The following PCNX1 variants were observed in gnomAD, a reference collection of about 807,000 sequenced individuals.
The protein encoded by PCNX1 is pecanex 1.
In PCNX1, 78 loss-of-function variants were observed where a neutral mutation model predicts 242.2. That is an observed-to-expected ratio of 0.32 (90% CI 0.27 to 0.39). The LOEUF (loss-of-function observed/expected upper bound fraction) is 0.39, where lower values mean the gene tolerates loss of function less well. Among genes scored for constraint, PCNX1 ranks in the 10% least tolerant of loss-of-function variants. The pLI, the probability that PCNX1 is intolerant of heterozygous loss-of-function variation, is 1.00. For synonymous variants in PCNX1, 1,024 were observed against 1,032.9 expected (o/e 0.99, Z 0.17); for missense variants, 2,581 against 2,856.5 (o/e 0.90, Z 2.20).
chr14:71,011,612 A>G (rs1352635020), intron 10 of PCNX1, 63 bp downstream of exon 10: 12 of 964,630 alleles, frequency 1.2e-5, no homozygotes, highest in South Asian at 4.3e-5. Flanking sequence ...ATATGTATTT[A>G]CATAGATAGC....
At chr14:71,074,699 A>T (rs776175450) in intron 27 of PCNX1, among the ~76,000 whole-genome samples, 22 of 152,152 alleles carry the variant, frequency 1.4e-4, no homozygotes, top group Non-Finnish European at 3.2e-4. Flanking sequence ...GGTCATGCTG[A>T]TACTGTGTGG....
At chr14:71,006,170 T>C (rs1016245144) in intron 8 of PCNX1, among the ~76,000 whole-genome samples, 47 of 129,382 alleles carry the variant, frequency 3.6e-4, no homozygotes, top group African/African-American at 1.4e-3. Context: ...TGTGTGTGTG[T>C]AGAGATGAGG....
chr14:71,064,987 A>G (rs947248791), intron 26 of PCNX1, among the ~76,000 whole-genome samples: 1 of 152,194 alleles, frequency 6.6e-6, no homozygotes, highest in Non-Finnish European at 1.5e-5. Flanking sequence ...AATGGTGTAT[A>G]TATGCCACAT....
In PCNX1 at chr14:70,969,007, T is replaced by C; in HGVS notation, c.515-14T>C. On this transcript the variant is annotated splice_polypyrimidine_tract_variant and intron_variant, in intron 4 of 35. Transcript: ENST00000304743. Reference sequence around the variant, plus strand: ...TTAATATAAGGTCCTCACATGTTTCTCTTAACTTTGTAGGAGATACAGACA... The same window carrying C: ...TTAATATAAGGTCCTCACATGTTTCCCTTAACTTTGTAGGAGATACAGACA... 1 of 1,526,020 alleles carries C rather than the reference T, an allele frequency of 6.6e-7. No homozygotes were observed. 94.5% of individuals were successfully genotyped at this position (1,526,020 alleles called of 1,614,324 possible).
chr14:71,009,876 A>T (rs2059774649), intron 9 of PCNX1, 152 bp downstream of exon 9: 1 of 461,732 alleles, frequency 2.2e-6, no homozygotes, highest in African/African-American at 2.0e-5. Context: ...TTTATGGCAT[A>T]CAACCTGATG....
chr14:71,066,147 A>T (rs2061440717), intron 26 of PCNX1, among the ~76,000 whole-genome samples: 1 of 152,180 alleles, frequency 6.6e-6, no homozygotes, highest in Non-Finnish European at 1.5e-5. Flanking sequence ...TAATTCTGTG[A>T]AGAAAGTCAG....
chr14:71,087,037 A>G (rs1382855880), intron 28 of PCNX1, among the ~76,000 whole-genome samples: 1 of 152,198 alleles, frequency 6.6e-6, no homozygotes, highest in African/African-American at 2.4e-5. Flanking sequence ...TTTAGTCTAG[A>G]AAGTTGACAG....
At chr14:71,106,898 C>G (rs1451662283) in intron 33 of PCNX1, among the ~76,000 whole-genome samples, 14 of 152,176 alleles carry the variant, frequency 9.2e-5, no homozygotes, top group Non-Finnish European at 2.9e-5. Flanking sequence ...TCTTTTCATT[C>G]TCTTACTGTG....
intron 8 of PCNX1, among the ~76,000 whole-genome samples, chr14:71,000,223 C>G (rs1024474784): frequency 3.3e-5 from 5 of 152,118 alleles, no homozygotes; most frequent in African/African-American, 1.2e-4. Flanking sequence ...GGGCTATATT[C>G]TACTTCGTTT....
chr14:71,033,432 T>C lies in PCNX1; in HGVS notation c.3562T>C (p.Ser1188Pro). 1.9e-6 allele frequency: 3 copies of C among 1,547,146 alleles called. No individual in the cohort carries two copies. Among genetic ancestry groups the C allele is most frequent in the Non-Finnish European group, 2.7e-6 (3 of 1,121,146 alleles). ...TGTTAAATTCATTTTTCCGCAGGAT[T>C]CTTGGGATGGCCAGCATATTCCAGT... The part of the protein sequence containing the change: ...YGLCYGALKD[S>P]WDGQHIPVLF... Residue 1188 changes from serine to proline, a missense_variant, in exon 17 of 36, where the codon TCT (serine) becomes CCT (proline). Transcript: ENST00000304743.
intron 28 of PCNX1, among the ~76,000 whole-genome samples, chr14:71,079,613 C>A (rs1465092796): frequency 6.6e-6 from 1 of 152,148 alleles, no homozygotes; most frequent in African/African-American, 2.4e-5. Flanking sequence ...TTTTGATTTG[C>A]ATTTCTCTAA....
intron 12 of PCNX1, among the ~76,000 whole-genome samples, chr14:71,021,783 C>A (rs796559948): frequency 1.4e-4 from 22 of 152,154 alleles, no homozygotes; most frequent in African/African-American, 4.8e-4. Context: ...CTTTATACCA[C>A]CCTCATGTTT....
chr14:71,003,334 G>C (rs897264268), intron 8 of PCNX1, among the ~76,000 whole-genome samples: 1 of 152,014 alleles, frequency 6.6e-6, no homozygotes, highest in Admixed American at 6.6e-5. Flanking sequence ...CAGGTGATCT[G>C]CCCGCCTCGG....
chr14:70,948,693 G>T (rs567554211), intron 2 of PCNX1, among the ~76,000 whole-genome samples: 1 of 143,734 alleles, frequency 7.0e-6, no homozygotes, highest in Non-Finnish European at 1.5e-5. Context: ...ATATATACAC[G>T]TGTATATATA....
At chr14:71,101,056 A>AC (rs1012917572) in intron 30 of PCNX1, among the ~76,000 whole-genome samples, 4 of 151,854 alleles carry the variant, frequency 2.6e-5, no homozygotes, top group African/African-American at 9.7e-5. Context: ...ACATATCTCA[A>AC]CCCCCCAGCT....
intron 13 of PCNX1, 147 bp from the exon 14 acceptor site, chr14:71,025,970 A>C (rs2060233519): frequency 2.1e-6 from 1 of 470,304 alleles, no homozygotes; most frequent in Non-Finnish European, 3.8e-6. Flanking sequence ...TCCTTTCTAT[A>C]TTTGTTAATC....
chr14:71,019,296 TG>T (rs2140726288), intron 12 of PCNX1, 134 bp downstream of exon 12: 1 of 661,594 alleles, frequency 1.5e-6, no homozygotes, highest in Admixed American at 3.0e-5. Flanking sequence ...CATAAGATTG[TG>T]TAGAGAGCAA....
chr14:70,928,147 G>A (rs181998685), intron 1 of PCNX1, among the ~76,000 whole-genome samples: 17 of 151,932 alleles, frequency 1.1e-4, no homozygotes, highest in East Asian at 3.9e-4. Context: ...ATTATACTAC[G>A]TCTATAAGAA....
intron 27 of PCNX1, among the ~76,000 whole-genome samples, chr14:71,074,030 A>T (rs949014402): frequency 6.6e-6 from 1 of 152,234 alleles, no homozygotes; most frequent in South Asian, 2.1e-4. Context: ...TAATAGCTAG[A>T]CATTTGTAGC....
Sources: allele counts gnomAD v4.1 joint callset (sites outside exome capture counted in the v4.1 genomes callset), GRCh38; gene constraint gnomAD v4.1.1; transcripts MANE v1.5; gene names NCBI Gene and HGNC (gene_info 2026-07-23, HGNC 2026-07-21).